The following MKLN1 variants were observed in gnomAD, a reference collection of about 807,000 sequenced individuals.
The protein encoded by MKLN1 is muskelin 1.
A neutral mutation model predicts 99.0 loss-of-function variants in MKLN1; 18 were observed. The ratio of observed to expected loss-of-function variants is 0.18; its 90% confidence interval spans 0.13 to 0.27. The LOEUF is 0.27. Ranked by LOEUF, MKLN1 falls within the 10% of genes least tolerant of loss-of-function variation. MKLN1 has a pLI of 1.00. For missense variants in MKLN1, 621 were observed against 875.9 expected, an observed-to-expected ratio of 0.71 and a Z score of 3.67; for synonymous variants, 288 against 293.2, an observed-to-expected ratio of 0.98 and a Z score of 0.18.
intron 12 of MKLN1, among the ~76,000 whole-genome samples, chr7:131,460,424 A>G (rs1796481482): frequency 1.3e-5 from 2 of 152,272 alleles, no homozygotes. Context: ...AAGGTCTTGT[A>G]TAAGTGCACA....
At chr7:131,316,969 A>C (rs1185198702) in intron 3 of MKLN1, among the ~76,000 whole-genome samples, 1 of 152,242 alleles carries the variant, frequency 6.6e-6, no homozygotes, top group Non-Finnish European at 1.5e-5. Context: ...GAAAAGACTA[A>C]ACCTACGATT....
intron 1 of MKLN1, 84 bp downstream of exon 1, chr7:131,328,081 G>C: frequency 6.6e-7 from 1 of 1,514,604 alleles, no homozygotes; most frequent in Non-Finnish European, 8.9e-7. Flanking sequence ...GGGCAGCCGA[G>C]CCGAGAGGCC....
chr7:131,275,544 TATATATATATATATATATATA>T (rs1795653923), intron 3 of MKLN1, among the ~76,000 whole-genome samples: 1 of 19,078 alleles, frequency 5.2e-5, no homozygotes, highest in African/African-American at 1.7e-4. Context: ...GATATATATA[TATATATATATATATATATATA>T]TATTTTTTTT....
At chr7:131,408,317 GCTT>G (rs1323275113) in intron 6 of MKLN1, among the ~76,000 whole-genome samples, 4 of 152,032 alleles carry the variant, frequency 2.6e-5, no homozygotes, top group Admixed American at 6.6e-5. Flanking sequence ...GATGAAATCA[GCTT>G]CTTAAAAATT....
intron 6 of MKLN1, among the ~76,000 whole-genome samples, chr7:131,411,034 C>T (rs570966798): frequency 1.1e-4 from 16 of 152,176 alleles, no homozygotes; most frequent in African/African-American, 3.6e-4. Flanking sequence ...GTATCTAATA[C>T]ATACAGTGAT....
chr7:131,346,147 G>C (rs1405083123), intron 1 of MKLN1, among the ~76,000 whole-genome samples: 1 of 152,136 alleles, frequency 6.6e-6, no homozygotes, highest in Non-Finnish European at 1.5e-5. Context: ...ATAAGAAGAG[G>C]CTGTTCACTT....
intron 2 of MKLN1, among the ~76,000 whole-genome samples, chr7:131,152,523 G>A (rs1266510411): frequency 2.8e-5 from 4 of 145,182 alleles, no homozygotes; most frequent in East Asian, 4.0e-4. Context: ...TTTTGGAGAC[G>A]GAGTCTCGCT....
chr7:131,332,279 A>T (rs1435575267), intron 1 of MKLN1, among the ~76,000 whole-genome samples: 1 of 149,730 alleles, frequency 6.7e-6, no homozygotes, highest in Non-Finnish European at 1.5e-5. Flanking sequence ...AAGAAAAAAA[A>T]TATATAAATA....
intron 2 of MKLN1, among the ~76,000 whole-genome samples, chr7:131,190,059 T>A (rs754618442): frequency 2.0e-5 from 3 of 152,228 alleles, no homozygotes; most frequent in Non-Finnish European, 4.4e-5. Context: ...ACCTGGTGGG[T>A]TACTTAGAAG....
intron 2 of MKLN1, among the ~76,000 whole-genome samples, chr7:131,146,492 C>A (rs1795816843): frequency 6.6e-6 from 1 of 152,166 alleles, no homozygotes; most frequent in Non-Finnish European, 1.5e-5. Context: ...TACATAGATT[C>A]CCTCTATATG....
intron 15 of MKLN1, among the ~76,000 whole-genome samples, chr7:131,467,173 A>G (rs1796689061): frequency 6.6e-6 from 1 of 152,152 alleles, no homozygotes; most frequent in Admixed American, 6.5e-5. Context: ...CAATTACTTT[A>G]TGCTAGACCC....
At chr7:131,443,042 G>T (rs1017012015) in intron 10 of MKLN1, among the ~76,000 whole-genome samples, 1 of 152,146 alleles carries the variant, frequency 6.6e-6, no homozygotes, top group African/African-American at 2.4e-5. Flanking sequence ...ATGCAGAGAG[G>T]TGAATTTAGC....
At chr7:131,379,970 G>A (rs1414492948) in intron 2 of MKLN1, among the ~76,000 whole-genome samples, 4 of 152,152 alleles carry the variant, frequency 2.6e-5, no homozygotes, top group Non-Finnish European at 5.9e-5. Context: ...TTAAGAAGCT[G>A]AAATAGCACC....
chr7:131,377,999 G>C (rs1021355911), intron 2 of MKLN1, among the ~76,000 whole-genome samples: 6 of 152,116 alleles, frequency 3.9e-5, no homozygotes, highest in Non-Finnish European at 2.9e-5. Flanking sequence ...AGTCTCAAGG[G>C]ACAACATTTT....
At chr7:131,142,628 G>A (rs1326036691) in intron 1 of MKLN1, among the ~76,000 whole-genome samples, 2 of 151,506 alleles carry the variant, frequency 1.3e-5, no homozygotes, top group Non-Finnish European at 2.9e-5. Context: ...CCAGCTACTC[G>A]GGAGGCTGAG....
In MKLN1 at chr7:131,397,374, A is replaced by G. The variant is rs1379052199; in HGVS notation, c.508A>G (p.Lys170Glu). The part of the protein sequence containing the change: ...IVQPCLNWYS[K>E]YREQEAIRLC... ...ACAACCTTGTCTCAACTGGTATAGC[A>G]AGGTAGGACTGTGTTTTAAATCCTG... is the stretch of plus-strand genomic sequence containing the variant. Residue 170 changes from lysine (K) to glutamate (E), a missense_variant and splice_region_variant, in exon 5 of 18, where the codon AAG becomes GAG. This residue lies in a region of MKLN1 where 361 missense variants were observed against 540.8 expected (regional missense o/e 0.67). Coordinates refer to ENST00000352689, the MANE Select transcript of MKLN1 (RefSeq NM_013255.5). The G allele has an allele frequency of 1.3e-6, 2 of 1,554,370 alleles. No homozygotes were observed. Among genetic ancestry groups the G allele is most frequent in the South Asian group, 2.4e-5 (2 of 84,998 alleles).
intron 6 of MKLN1, among the ~76,000 whole-genome samples, chr7:131,402,423 G>A (rs1794575690): frequency 6.6e-6 from 1 of 152,074 alleles, no homozygotes. Context: ...CATCATCCAT[G>A]AGCATTGGAA....
At chr7:131,402,282 C>T (rs1240088844) in intron 6 of MKLN1, among the ~76,000 whole-genome samples, 1 of 152,196 alleles carries the variant, frequency 6.6e-6, no homozygotes, top group African/African-American at 2.4e-5. Flanking sequence ...AATTTCTCAT[C>T]CATTCAAGTT....
At chr7:131,365,169 A>T (rs931292472) in intron 1 of MKLN1, among the ~76,000 whole-genome samples, 1 of 152,150 alleles carries the variant, frequency 6.6e-6, no homozygotes. Flanking sequence ...GTGAGATGGT[A>T]TCTCATTGTG....
Sources: allele counts gnomAD v4.1 joint callset (sites outside exome capture counted in the v4.1 genomes callset), GRCh38; gene constraint gnomAD v4.1.1; regional missense constraint gnomAD v4.1.1; transcripts MANE v1.5; gene names NCBI Gene and HGNC (gene_info 2026-07-23, HGNC 2026-07-21).